Variants in NCOA7 observed in about 807,000 individuals in gnomAD.
NCOA7 encodes nuclear receptor coactivator 7.
NCOA7 carries 45 observed loss-of-function variants against 104.3 expected under a neutral mutation model. That is an observed-to-expected ratio of 0.43 (90% CI 0.34 to 0.55). The LOEUF (loss-of-function observed/expected upper bound fraction) is 0.55, where lower values mean the gene tolerates loss of function less well. Among genes scored for constraint, NCOA7 ranks in the 20% least tolerant of loss-of-function variants. The pLI is 0.02. For synonymous variants in NCOA7, 398 were observed against 402.3 expected (o/e 0.99, Z 0.13); for missense variants, 1,041 against 1,119.7 (o/e 0.93, Z 1.00).
intron 3 of NCOA7, among the ~76,000 whole-genome samples, chr6:125,864,198 A>T (rs1284739970): frequency 7.2e-6 from 1 of 138,242 alleles, no homozygotes; most frequent in Non-Finnish European, 1.5e-5. Context: ...AACATAAATG[A>T]TATAAAATGG....
At chr6:125,869,242 A>T (rs1782678525) in intron 3 of NCOA7, among the ~76,000 whole-genome samples, 1 of 152,152 alleles carries the variant, frequency 6.6e-6, no homozygotes, top group Admixed American at 6.5e-5. Context: ...TTTGAAGGAC[A>T]TTATGTATTG....
intron 10 of NCOA7, among the ~76,000 whole-genome samples, chr6:125,895,637 A>G (rs1784942803): frequency 6.6e-6 from 1 of 152,184 alleles, no homozygotes. Flanking sequence ...CTGTGCAGGA[A>G]GCATAGTGCT....
At chr6:125,915,997 T>G (rs1179485126) in intron 11 of NCOA7, among the ~76,000 whole-genome samples, 2 of 152,192 alleles carry the variant, frequency 1.3e-5, no homozygotes. Flanking sequence ...AAACAGGTGG[T>G]AGACTGGCTT....
At chr6:125,909,393 A>G (rs1036934117) in intron 10 of NCOA7, among the ~76,000 whole-genome samples, 2 of 152,228 alleles carry the variant, frequency 1.3e-5, no homozygotes, top group African/African-American at 2.4e-5. Context: ...GGTGCCCAGG[A>G]AGTGTTGTCA....
At chr6:125,823,244 A>G (rs17053582) in intron 2 of NCOA7, among the ~76,000 whole-genome samples, 3,606 of 152,304 alleles carry the variant, frequency 0.024, 123 homozygotes, top group African/African-American at 0.079. Flanking sequence ...GGCCTATTCA[A>G]TAGTGGTTGG....
At chr6:125,860,247 T>C (rs1781925487) in intron 3 of NCOA7, among the ~76,000 whole-genome samples, 2 of 152,262 alleles carry the variant, frequency 1.3e-5, no homozygotes, top group African/African-American at 4.8e-5. Context: ...TTAAATTTGA[T>C]ACAAGCACCT....
At chr6:125,801,662 G>A (rs1243184782) in intron 1 of NCOA7, among the ~76,000 whole-genome samples, 15 of 152,116 alleles carry the variant, frequency 9.9e-5, no homozygotes, top group Admixed American at 9.8e-4. Flanking sequence ...CCTAACTTCT[G>A]TTGGTTTGCT....
Position 125,815,450 on chromosome 6 carries a change from A to T in NCOA7, c.50+46A>T, listed in dbSNP as rs773143776. The T allele has an allele frequency of 3.3e-6, 5 of 1,493,188 alleles. No individual in the cohort carries two copies. In the African/African-American group the frequency reaches 6.9e-5, roughly 21 times the overall value. 92.5% of individuals were successfully genotyped at this position (1,493,188 alleles called of 1,614,324 possible). ...ATTGTTATCAGTACTTTAAAGAAAT[A>T]TTTGAGGGGACTTTGTCCTCAAGTA... is the stretch of plus-strand genomic sequence containing the variant. On this transcript the variant is annotated intron_variant, in intron 2 of 15. Transcript: ENST00000392477.
chr6:125,794,800 A>G (rs1242319696), intron 1 of NCOA7, among the ~76,000 whole-genome samples: 2 of 152,238 alleles, frequency 1.3e-5, no homozygotes, highest in East Asian at 1.9e-4. Context: ...AAGCCATTCA[A>G]TTTAAGTCAA....
chr6:125,892,673 CA>C (rs770156331), intron 10 of NCOA7, among the ~76,000 whole-genome samples: 7 of 152,110 alleles, frequency 4.6e-5, no homozygotes, highest in African/African-American at 1.7e-4. Context: ...GACTTTGTCA[CA>C]AAAAACAAAC....
rs1462748063 is a variant in NCOA7 at position 125,864,014 on chromosome 6, G to GT, written c.271+8781dup. Reference sequence around the variant, plus strand: ...GATGGTTGAAGAGTGATGTGGTCAGGTTTTTTTGGGGGGGGCAGTTTGGCT... The same window carrying GT: ...GATGGTTGAAGAGTGATGTGGTCAGGTTTTTTTTGGGGGGGGCAGTTTGGCT... On this transcript the variant is annotated intron_variant, in intron 3 of 15. Transcript: ENST00000392477. 2.3e-5 allele frequency among the ~76,000 whole-genome samples: 3 copies of GT among 129,242 alleles called. 1 individual carries two copies. Among genetic ancestry groups the GT allele is most frequent in the South Asian group, 2.3e-4 (1 of 4,406 alleles). 84.8% of individuals were successfully genotyped at this position (129,242 alleles called of 152,430 possible).
In NCOA7 at chr6:125,922,692, G is replaced by T. The variant is rs768781344; in HGVS notation, c.2381G>T (p.Arg794Leu). Reference protein sequence around the residue: ...ENMHIEQLARRLPARVQGYPW... With the variant: ...ENMHIEQLARLLPARVQGYPW... Reference sequence around the variant, plus strand: ...CCTTTGGCTTTGTAGCTGGCCCGACGCCTTCCTGCAAGGGTGCAAGGGTAT... The same window carrying T: ...CCTTTGGCTTTGTAGCTGGCCCGACTCCTTCCTGCAAGGGTGCAAGGGTAT... The change falls in exon 13 of 16, where the codon CGC (arginine) becomes CTC (leucine). Residue 794 changes from arginine to leucine, a missense_variant. Arg to Leu is a moderately radical substitution (Grantham distance 102). Transcript: ENST00000392477. 6.2e-7 allele frequency: 1 copy of T among 1,612,158 alleles called. No individual in the cohort carries two copies. Among genetic ancestry groups the T allele is most frequent in the African/African-American group, 1.3e-5 (1 of 74,834 alleles).
chr6:125,816,433 A>G (rs1777596647), intron 2 of NCOA7, among the ~76,000 whole-genome samples: 1 of 152,220 alleles, frequency 6.6e-6, no homozygotes, highest in African/African-American at 2.4e-5. Context: ...CATAAGAGTC[A>G]GTATTAAACA....
chr6:125,842,226 TA>T (rs1780237587), intron 2 of NCOA7, among the ~76,000 whole-genome samples: 1 of 152,218 alleles, frequency 6.6e-6, no homozygotes, highest in African/African-American at 2.4e-5. Flanking sequence ...TTTTAGCCCT[TA>T]TTTCCCTCAA....
At chr6:125,821,784 G>T (rs546675715) in intron 2 of NCOA7, among the ~76,000 whole-genome samples, 6 of 151,950 alleles carry the variant, frequency 3.9e-5, no homozygotes, top group African/African-American at 1.2e-4. Flanking sequence ...ACTCCCTAAG[G>T]TTGCATGTTG....
intron 10 of NCOA7, among the ~76,000 whole-genome samples, chr6:125,912,739 C>A (rs1264873764): frequency 6.6e-6 from 1 of 152,192 alleles, no homozygotes; most frequent in Admixed American, 6.5e-5. Flanking sequence ...AGTCTAGACA[C>A]ATTCCAAAGG....
chr6:125,881,225 G>T lies in NCOA7; in HGVS notation c.573+22G>T. On this transcript the variant is annotated intron_variant, in intron 6 of 15. Coordinates refer to ENST00000392477, the MANE Select transcript of NCOA7 (RefSeq NM_181782.5). The stretch of plus-strand genomic sequence containing the variant: ...GCCTGTATGTATATTATGCACTGAA[G>T]TTCATTTTTATTAAAGAGACTTCTT... 3 of 1,492,982 alleles carry T rather than the reference G, an allele frequency of 2.0e-6. 1 individual carries two copies. The highest frequency in any genetic ancestry group is 2.8e-6 in the Non-Finnish European group (3 of 1,070,852). The allele number at this position is 1,492,982 out of a possible 1,614,324, so 92.5% of individuals were successfully genotyped here.
intron 4 of NCOA7, among the ~76,000 whole-genome samples, chr6:125,876,082 T>C (rs1222239763): frequency 6.6e-6 from 1 of 152,250 alleles, no homozygotes; most frequent in Non-Finnish European, 1.5e-5. Flanking sequence ...AATTAAGTAC[T>C]ATTGCCATTG....
In NCOA7 at chr6:125,791,757, A is replaced by T. The variant is rs1774884162; in HGVS notation, c.-65+690A>T. ...GTCGGGAGTTGAGATTCTGCTGGAA[A>T]GATGTACCGGGTCAGCCAGCAGAGG... On this transcript the variant is annotated intron_variant, in intron 1 of 15. Transcript: ENST00000392477. Among the ~76,000 whole-genome samples, 3 of 152,264 alleles carry T rather than the reference A, an allele frequency of 2.0e-5. No individual in the cohort carries two copies. In the South Asian group the frequency reaches 6.2e-4, roughly 32 times the overall value.
Sources: allele counts gnomAD v4.1 joint callset (sites outside exome capture counted in the v4.1 genomes callset), GRCh38; gene constraint gnomAD v4.1.1; transcripts MANE v1.5; gene names NCBI Gene and HGNC (gene_info 2026-07-23, HGNC 2026-07-21).